Variants in CNTN4 observed in about 807,000 individuals in gnomAD.
CNTN4 encodes contactin 4.
In CNTN4, 77 loss-of-function variants were observed where a neutral mutation model predicts 122.5. That is an observed-to-expected ratio of 0.63 (90% CI 0.52 to 0.76). CNTN4 has a LOEUF of 0.76. CNTN4 is among the 30% of genes least tolerant of loss of function. The pLI is 0.00. For synonymous variants in CNTN4, 512 were observed against 447.0 expected, an observed-to-expected ratio of 1.15 and a Z score of -1.83; for missense variants, 1,256 against 1,259.1, an observed-to-expected ratio of 1.00 and a Z score of 0.04.
At chr3:3,053,145 C>T (rs1261772525) in intron 23 of CNTN4, among the ~76,000 whole-genome samples, 3 of 152,318 alleles carry the variant, frequency 2.0e-5, no homozygotes, top group Admixed American at 2.0e-4. Flanking sequence ...AGCAATTCTC[C>T]TGCCTCAGCC....
chr3:2,839,655 G>A (rs2093309663), intron 7 of CNTN4, among the ~76,000 whole-genome samples: 3 of 152,188 alleles, frequency 2.0e-5, no homozygotes, highest in African/African-American at 7.2e-5. Context: ...TAGGGGTTGG[G>A]AAGACCCTGA....
intron 2 of CNTN4, among the ~76,000 whole-genome samples, chr3:2,262,748 T>C (rs556293834): frequency 6.6e-6 from 1 of 152,116 alleles, no homozygotes; most frequent in African/African-American, 2.4e-5. Flanking sequence ...AGGGTTAGAC[T>C]TGGCTGCAAG....
intron 3 of CNTN4, among the ~76,000 whole-genome samples, chr3:2,511,104 A>C (rs1227417481): frequency 6.6e-6 from 1 of 152,158 alleles, no homozygotes; most frequent in African/African-American, 2.4e-5. Flanking sequence ...GCTGCTACCC[A>C]CAACCTTCTT....
intron 3 of CNTN4, among the ~76,000 whole-genome samples, chr3:2,418,644 T>C (rs2047504949): frequency 6.6e-6 from 1 of 152,176 alleles, no homozygotes; most frequent in Non-Finnish European, 1.5e-5. Flanking sequence ...AGTAAAAAGG[T>C]TTCACTTTTG....
intron 2 of CNTN4, among the ~76,000 whole-genome samples, chr3:2,143,167 A>T (rs2035083274): frequency 6.6e-6 from 1 of 151,984 alleles, no homozygotes; most frequent in South Asian, 2.1e-4. Flanking sequence ...TATAGACTGG[A>T]TTTTTTTCTG....
At chr3:2,319,735 T>A (rs1423118950) in intron 2 of CNTN4, among the ~76,000 whole-genome samples, 1 of 152,220 alleles carries the variant, frequency 6.6e-6, no homozygotes, top group African/African-American at 2.4e-5. Context: ...AGTTGGCTAT[T>A]AAAGTTTTGG....
intron 2 of CNTN4, among the ~76,000 whole-genome samples, chr3:2,304,513 G>A (rs1341931988): frequency 6.6e-6 from 1 of 152,078 alleles, no homozygotes; most frequent in South Asian, 2.1e-4. Context: ...CCAAAGGGAG[G>A]AAAGGGGTGT....
At chr3:3,042,446 G>A (rs1466934345) in intron 21 of CNTN4, 24 bp downstream of exon 21, 2 of 1,465,500 alleles carry the variant, frequency 1.4e-6, no homozygotes, top group Admixed American at 3.3e-5. Flanking sequence ...ATGTGCCTTG[G>A]GTCTGAAAGA....
intron 2 of CNTN4, among the ~76,000 whole-genome samples, chr3:2,109,800 A>G (rs900991983): frequency 6.6e-6 from 1 of 152,214 alleles, no homozygotes; most frequent in South Asian, 2.1e-4. Flanking sequence ...TTGATTAGCT[A>G]TTAGCTAGAT....
intron 6 of CNTN4, among the ~76,000 whole-genome samples, chr3:2,806,677 T>C (rs1218913704): frequency 1.3e-5 from 2 of 152,208 alleles, no homozygotes; most frequent in African/African-American, 4.8e-5. Flanking sequence ...AAAATGCTTA[T>C]TTATTAGTTT....
At chr3:2,785,553 C>A (rs1054997675) in intron 6 of CNTN4, among the ~76,000 whole-genome samples, 1 of 152,118 alleles carries the variant, frequency 6.6e-6, no homozygotes, top group Non-Finnish European at 1.5e-5. Flanking sequence ...CTCCTTGGCC[C>A]AAATTAACAT....
intron 6 of CNTN4, among the ~76,000 whole-genome samples, chr3:2,815,511 C>T (rs2092705839): frequency 6.6e-6 from 1 of 152,100 alleles, no homozygotes; most frequent in South Asian, 2.1e-4. Context: ...CACTAATGAT[C>T]AGGGAAATGC....
chr3:3,040,989 GCTCA>G (rs1700114596), intron 20 of CNTN4: 1 of 152,344 alleles, frequency 6.6e-6, no homozygotes, highest in African/African-American at 2.4e-5. Context: ...GTGTGATTGC[GCTCA>G]CTGTCATCCA....
At chr3:2,619,477 C>T (rs1407063276) in intron 4 of CNTN4, among the ~76,000 whole-genome samples, 1 of 152,170 alleles carries the variant, frequency 6.6e-6, no homozygotes, top group African/African-American at 2.4e-5. Flanking sequence ...TATTTGCAGC[C>T]TCTGTATATA....
chr3:2,518,373 G>C (rs552985939), intron 3 of CNTN4, among the ~76,000 whole-genome samples: 33 of 152,222 alleles, frequency 2.2e-4, no homozygotes, highest in African/African-American at 7.5e-4. Context: ...ATAATACTCA[G>C]AATGTTCATG....
chr3:2,225,286 G>A (rs1285298436), intron 2 of CNTN4, among the ~76,000 whole-genome samples: 5 of 151,574 alleles, frequency 3.3e-5, no homozygotes, highest in East Asian at 3.9e-4. Context: ...AGGCCGAGGC[G>A]GGTGGATCAC....
intron 3 of CNTN4, among the ~76,000 whole-genome samples, chr3:2,553,944 A>G (rs1257531150): frequency 6.6e-6 from 1 of 152,144 alleles, no homozygotes; most frequent in Non-Finnish European, 1.5e-5. Context: ...CAAAATGCTC[A>G]TTTTTACCAG....
At chr3:2,532,354 A>C (rs1368550434) in intron 3 of CNTN4, among the ~76,000 whole-genome samples, 2 of 152,110 alleles carry the variant, frequency 1.3e-5, no homozygotes, top group Non-Finnish European at 2.9e-5. Flanking sequence ...CCCTGGGCTC[A>C]GGTGGACCTC....
chr3:2,154,902 G>T (rs1414650301), intron 2 of CNTN4, among the ~76,000 whole-genome samples: 1 of 152,218 alleles, frequency 6.6e-6, no homozygotes, highest in Non-Finnish European at 1.5e-5. Context: ...GTATGGGCCT[G>T]CCCAGAGAAA....
Sources: gnomAD v4.1 joint callset for allele counts (sites outside exome capture counted in the v4.1 genomes callset) on GRCh38, gnomAD v4.1.1 for gene constraint, MANE v1.5 for transcripts, NCBI Gene and HGNC (gene_info 2026-07-23, HGNC 2026-07-21) for gene names.